The following SEPTIN11 variants were observed in gnomAD, a reference collection of about 807,000 sequenced individuals.
SEPTIN11 encodes the protein septin-11.
SEPTIN11 carries 25 observed loss-of-function variants against 51.4 expected under a neutral mutation model. That is an observed-to-expected ratio of 0.49 (90% CI 0.35 to 0.68). The LOEUF is 0.68. Among genes scored for constraint, SEPTIN11 ranks in the 30% least tolerant of loss-of-function variants. The probability of loss-of-function intolerance (pLI) is 0.00; values close to 1 mark genes in which losing one functional copy is unlikely to be tolerated. For missense variants in SEPTIN11, 381 were observed against 520.8 expected (o/e 0.73, Z 2.61); for synonymous variants, 174 against 184.1 (o/e 0.95, Z 0.44).
chr4:76,992,775 T>C (rs1274966214), intron 1 of SEPTIN11, among the ~76,000 whole-genome samples: 1 of 152,228 alleles, frequency 6.6e-6, no homozygotes, highest in Non-Finnish European at 1.5e-5. Flanking sequence ...TATAATTTTA[T>C]TGGGATCTGG....
intron 1 of SEPTIN11, among the ~76,000 whole-genome samples, chr4:76,951,944 G>A (rs776421499): frequency 6.6e-6 from 1 of 152,078 alleles, no homozygotes; most frequent in Non-Finnish European, 1.5e-5. Flanking sequence ...TTCTTTCTGC[G>A]CACTCTGTTG....
intron 1 of SEPTIN11, among the ~76,000 whole-genome samples, chr4:76,989,063 C>A (rs1028856143): frequency 6.6e-6 from 1 of 152,144 alleles, no homozygotes; most frequent in Middle Eastern, 3.4e-3. Context: ...GATTAAGAAG[C>A]CTTAGAATTA....
At position 77,024,081 on chromosome 4, in the gene SEPTIN11, A is replaced by C. The variant is rs756048561; in HGVS notation, c.953+3411A>C. Among the ~76,000 whole-genome samples, 7 of 152,088 alleles carry C rather than the reference A, an allele frequency of 4.6e-5. No individual in the cohort carries two copies. The highest frequency in any genetic ancestry group is 6.5e-5 in the Admixed American group (1 of 15,274). On this transcript the variant is annotated intron_variant, in intron 7 of 9. Transcript: ENST00000264893. This position sits in a 1 kb window ranked among gnomAD's most constrained non-coding sequence, Gnocchi z 4.2. Reference sequence around the variant, plus strand: ...GTACATGTTTGTAAAACAGAGAGTGACCTCTAACACCAAGTCTAGTAAGAG... The same window carrying C: ...GTACATGTTTGTAAAACAGAGAGTGCCCTCTAACACCAAGTCTAGTAAGAG...
At chr4:76,977,127 G>GA (rs1361967520) in intron 1 of SEPTIN11, among the ~76,000 whole-genome samples, 1 of 152,202 alleles carries the variant, frequency 6.6e-6, no homozygotes, top group East Asian at 1.9e-4. Flanking sequence ...TCAAGAGAGA[G>GA]AGAATATGGC....
At chr4:76,956,867 A>T (rs1721576682) in intron 1 of SEPTIN11, among the ~76,000 whole-genome samples, 1 of 152,046 alleles carries the variant, frequency 6.6e-6, no homozygotes, top group Admixed American at 6.6e-5. Context: ...TCTACTATGA[A>T]GCCAAGTCTT....
At chr4:76,957,328 GCT>G (rs1721606775) in intron 1 of SEPTIN11, among the ~76,000 whole-genome samples, 4 of 151,998 alleles carry the variant, frequency 2.6e-5, no homozygotes, top group South Asian at 4.1e-4. Context: ...TCTTTCCCTT[GCT>G]CTGTTTTTCT....
intron 1 of SEPTIN11, among the ~76,000 whole-genome samples, chr4:76,965,997 A>G (rs1722020617): frequency 6.6e-6 from 1 of 152,198 alleles, no homozygotes; most frequent in Non-Finnish European, 1.5e-5. Flanking sequence ...GCAAGCTTTC[A>G]GCTATAAGAG....
rs1437076699 is a variant in SEPTIN11 at position 77,036,353 on chromosome 4, T to C, written c.*1841T>C. 2.9e-6 allele frequency: 3 copies of C among 1,043,400 alleles called. No homozygotes were observed. The highest frequency in any genetic ancestry group is 1.7e-5 in the African/African-American group (1 of 57,646). The allele number at this position is 1,043,400 out of a possible 1,614,324, so 64.6% of individuals were successfully genotyped here. ...GTAGCTGGCATGTTGATTCAAACCA[T>C]GGGCTGAATTTGCTCATAGGCTGTG... On this transcript the variant is annotated 3_prime_UTR_variant, in exon 10 of 10. Coordinates refer to ENST00000264893, the MANE Select transcript of SEPTIN11 (RefSeq NM_018243.4).
chr4:76,992,372 C>T (rs1317229827), intron 1 of SEPTIN11, among the ~76,000 whole-genome samples: 3 of 152,062 alleles, frequency 2.0e-5, no homozygotes, highest in African/African-American at 7.3e-5. Flanking sequence ...CTGGGGCTAC[C>T]TGGGAACTTA....
intron 3 of SEPTIN11, among the ~76,000 whole-genome samples, chr4:77,010,596 A>C (rs1047185641): frequency 6.6e-6 from 1 of 151,568 alleles, no homozygotes; most frequent in Non-Finnish European, 1.5e-5. Flanking sequence ...GTTTGTTGTT[A>C]TTGTTTATTT....
At chr4:76,995,640 C>T (rs1161264619) in intron 1 of SEPTIN11, 1 of 595,168 alleles carries the variant, frequency 1.7e-6, no homozygotes, top group Non-Finnish European at 2.7e-6. Flanking sequence ...AGATTATCTC[C>T]AACACCCACG....
At chr4:77,015,971 T>C (rs1319480939) in intron 5 of SEPTIN11, among the ~76,000 whole-genome samples, 1 of 152,174 alleles carries the variant, frequency 6.6e-6, no homozygotes, top group Non-Finnish European at 1.5e-5. Context: ...TCTTGGGAAG[T>C]AGTGAGTTCC....
rs929329045 is a variant in SEPTIN11, at chr4:77,024,673, C to A, written c.954-3956C>A. On this transcript the variant is annotated intron_variant, in intron 7 of 9. Coordinates refer to ENST00000264893, the MANE Select transcript of SEPTIN11 (RefSeq NM_018243.4). The surrounding 1 kb of genome is among the most constrained non-coding windows in gnomAD (Gnocchi z 4.2). The stretch of plus-strand genomic sequence containing the variant: ...TTCTCAGAGGCCAACGAGGTCCAGG[C>A]CCCAGAGACTCACTTGTTTTTAGGA... Among the ~76,000 whole-genome samples, 2 of 152,172 alleles carry A rather than the reference C, an allele frequency of 1.3e-5. No individual in the cohort carries two copies. Among genetic ancestry groups the A allele is most frequent in the Admixed American group, 6.5e-5 (1 of 15,284 alleles).
At position 76,964,782 on chromosome 4, in the gene SEPTIN11, A is replaced by G. The variant is rs539753401; in HGVS notation, c.27+14852A>G. Among the ~76,000 whole-genome samples, 43 of 152,336 alleles carry G rather than the reference A, an allele frequency of 2.8e-4. 1 individual carries two copies. In the South Asian group the frequency reaches 6.2e-3, roughly 22 times the overall value. On this transcript the variant is annotated intron_variant, in intron 1 of 9. Coordinates refer to ENST00000264893, the MANE Select transcript of SEPTIN11 (RefSeq NM_018243.4). Reference sequence around the variant, plus strand: ...TATGCATAATTTAAAACACTTAAACATTATTTCTGTGCAATATTTATCATT... The same window carrying G: ...TATGCATAATTTAAAACACTTAAACGTTATTTCTGTGCAATATTTATCATT...
At chr4:76,972,115 AC>A (rs1722273739) in intron 1 of SEPTIN11, among the ~76,000 whole-genome samples, 2 of 152,048 alleles carry the variant, frequency 1.3e-5, no homozygotes. Flanking sequence ...TCACATCCTT[AC>A]CTTCCTCCAC....
In SEPTIN11 at chr4:77,036,657, T is replaced by G. The variant is rs1357484770; in HGVS notation, c.*2145T>G. The G allele has an allele frequency of 3.3e-6, 5 of 1,498,170 alleles. No homozygotes were observed. The Admixed American group carries it at 1.0e-4, about 31-fold the overall frequency. 92.8% of individuals were successfully genotyped at this position (1,498,170 alleles called of 1,614,324 possible). A position where few individuals can be genotyped will look rare whatever the true frequency, so the allele number is the denominator to read the frequency against. Reference sequence around the variant, plus strand: ...AAAAGAAACAAATAGAAGCTTTTTTTTTTAAAAAATGTATTGCTTCTGAAC... The same window carrying G: ...AAAAGAAACAAATAGAAGCTTTTTTGTTTAAAAAATGTATTGCTTCTGAAC... On this transcript the variant is annotated 3_prime_UTR_variant, in exon 10 of 10. Transcript: ENST00000264893.
chr4:77,018,329 G>A (rs902411351), intron 5 of SEPTIN11, among the ~76,000 whole-genome samples: 1 of 151,878 alleles, frequency 6.6e-6, no homozygotes, highest in Non-Finnish European at 1.5e-5. Flanking sequence ...GGTGCCTGTA[G>A]TCCCAGCTAT....
chr4:76,995,413 TAATAAA>T (rs1723640540), intron 1 of SEPTIN11, among the ~76,000 whole-genome samples: 1 of 150,184 alleles, frequency 6.7e-6, no homozygotes, highest in Admixed American at 6.6e-5. Context: ...AAATAATAAA[TAATAAA>T]AATAAAAATG....
chr4:77,035,582 G>A lies in SEPTIN11; in HGVS notation c.*1070G>A. 3.0e-6 allele frequency: 3 copies of A among 985,454 alleles called. No individual in the cohort carries two copies. The South Asian group carries it at 1.4e-4, about 46-fold the overall frequency. 61.0% of individuals were successfully genotyped at this position (985,454 alleles called of 1,614,324 possible). On this transcript the variant is annotated 3_prime_UTR_variant, in exon 10 of 10. Transcript: ENST00000264893. ...GACCACAACATGACCCGTAAGTCAA[G>A]AAGGTAGACATTTCATATCCAGCTT... is the stretch of plus-strand genomic sequence containing the variant.
Sources: gnomAD v4.1 joint callset for allele counts (sites outside exome capture counted in the v4.1 genomes callset) on GRCh38, gnomAD v4.1.1 for gene constraint, Gnocchi (gnomAD v3.1) non-coding constraint, MANE v1.5 for transcripts, NCBI Gene and HGNC (gene_info 2026-07-23, HGNC 2026-07-21) for gene names.